The following FHIT variants were observed in gnomAD, a reference collection of about 807,000 sequenced individuals.
The protein encoded by FHIT is fragile histidine triad diadenosine triphosphatase.
FHIT carries 19 observed loss-of-function variants against 17.9 expected under a neutral mutation model. The ratio of observed to expected loss-of-function variants is 1.06; its 90% CI spans 0.74 to 1.56. The LOEUF is 1.56. Among genes scored for constraint, FHIT ranks in the 40% most tolerant of loss-of-function variants. FHIT has a pLI of 0.00. For synonymous variants in FHIT, 81 were observed against 69.7 expected, an observed-to-expected ratio of 1.16 and a Z score of -0.81; for missense variants, 248 against 189.2, an observed-to-expected ratio of 1.31 and a Z score of -1.82.
chr3:61,068,106 T>C (rs1411821887), intron 2 of FHIT, among the ~76,000 whole-genome samples: 2 of 152,154 alleles, frequency 1.3e-5, no homozygotes, highest in African/African-American at 4.8e-5. Flanking sequence ...CCAGGTGTAT[T>C]ACTATCCGAA....
chr3:60,292,123 G>C (rs143146150), intron 5 of FHIT, among the ~76,000 whole-genome samples: 1 of 152,084 alleles, frequency 6.6e-6, no homozygotes, highest in Non-Finnish European at 1.5e-5. Context: ...AACCTTGCCA[G>C]GTGAACTGTT....
chr3:60,258,590 T>C (rs1576381242), intron 5 of FHIT, among the ~76,000 whole-genome samples: 5 of 152,088 alleles, frequency 3.3e-5, no homozygotes. Flanking sequence ...GAAAAATATA[T>C]TTTCCTCACT....
intron 4 of FHIT, among the ~76,000 whole-genome samples, chr3:60,544,039 T>G (rs1037133716): frequency 4.0e-5 from 6 of 150,782 alleles, no homozygotes; most frequent in African/African-American, 1.5e-4. Flanking sequence ...ATTACAGGCA[T>G]GAGCCACCGC....
At chr3:60,592,658 A>G (rs1407389165) in intron 4 of FHIT, among the ~76,000 whole-genome samples, 1 of 152,172 alleles carries the variant, frequency 6.6e-6, no homozygotes, top group Non-Finnish European at 1.5e-5. Flanking sequence ...AGTTGCGCCC[A>G]TCACTTCTCA....
intron 7 of FHIT, among the ~76,000 whole-genome samples, chr3:60,001,634 A>AGGGGTGATTAACTGTCAAGTAGTG (rs1699732529): frequency 6.6e-6 from 1 of 152,150 alleles, no homozygotes; most frequent in Non-Finnish European, 1.5e-5. Flanking sequence ...TAAATGCTAC[A>AGGGGTGATTAACTGTCAAGTAGTG]GGGGTGATTA....
chr3:61,184,432 C>G (rs2038442219), intron 2 of FHIT, among the ~76,000 whole-genome samples: 1 of 152,130 alleles, frequency 6.6e-6, no homozygotes, highest in Non-Finnish European at 1.5e-5. Flanking sequence ...GCTAGAGAGT[C>G]CTCCAGAGCT....
At chr3:60,412,308 G>C (rs1320116365) in intron 5 of FHIT, among the ~76,000 whole-genome samples, 1 of 152,016 alleles carries the variant, frequency 6.6e-6, no homozygotes, top group Non-Finnish European at 1.5e-5. Context: ...GCATGTACTA[G>C]CTTGCGTTCC....
At chr3:59,899,222 C>A (rs573386182) in intron 8 of FHIT, among the ~76,000 whole-genome samples, 3 of 152,316 alleles carry the variant, frequency 2.0e-5, no homozygotes, top group African/African-American at 4.8e-5. Context: ...GGGTCACATG[C>A]GGGCACATGA....
At chr3:60,066,846 C>T (rs967115556) in intron 5 of FHIT, among the ~76,000 whole-genome samples, 2 of 151,536 alleles carry the variant, frequency 1.3e-5, no homozygotes, top group African/African-American at 4.8e-5. Context: ...TTAGTAGAGA[C>T]GGGGTTTCAC....
intron 2 of FHIT, among the ~76,000 whole-genome samples, chr3:61,178,143 TAA>T (rs1180867186): frequency 6.6e-6 from 1 of 152,146 alleles, no homozygotes; most frequent in Non-Finnish European, 1.5e-5. Flanking sequence ...GGGGTAATTA[TAA>T]AATGGAATGA....
intron 3 of FHIT, among the ~76,000 whole-genome samples, chr3:60,830,652 A>T (rs1296974130): frequency 2.0e-5 from 3 of 152,216 alleles, no homozygotes; most frequent in Admixed American, 1.3e-4. Context: ...AAAAACTATT[A>T]GTCCTTTGGT....
intron 5 of FHIT, among the ~76,000 whole-genome samples, chr3:60,316,771 CTGAAAAGACT>C (rs773125678): frequency 6.6e-6 from 1 of 152,190 alleles, no homozygotes. Flanking sequence ...AACTACTTTT[CTGAAAAGACT>C]TGAAAAGACT....
chr3:60,175,823 A>T (rs1334590573), intron 5 of FHIT, among the ~76,000 whole-genome samples: 1 of 152,130 alleles, frequency 6.6e-6, no homozygotes, highest in African/African-American at 2.4e-5. Context: ...TAAGCAGAAG[A>T]CAGTGGGTTT....
intron 4 of FHIT, among the ~76,000 whole-genome samples, chr3:60,637,798 G>T (rs1476276374): frequency 6.6e-6 from 1 of 152,134 alleles, no homozygotes; most frequent in Admixed American, 6.6e-5. Flanking sequence ...ATAAGGATAA[G>T]GTTGTACTTA....
chr3:59,898,009 T>C (rs1704150832), intron 8 of FHIT, among the ~76,000 whole-genome samples: 1 of 152,096 alleles, frequency 6.6e-6, no homozygotes, highest in Non-Finnish European at 1.5e-5. Flanking sequence ...ACTTGTGATC[T>C]GCCCGCCTTG....
At chr3:60,706,085 G>A (rs574085197) in intron 4 of FHIT, among the ~76,000 whole-genome samples, 1 of 151,940 alleles carries the variant, frequency 6.6e-6, no homozygotes, top group African/African-American at 2.4e-5. Context: ...ATTATAATAA[G>A]AGACGGCACT....
chr3:60,495,143 T>C (rs868347244), intron 5 of FHIT, among the ~76,000 whole-genome samples: 20 of 152,326 alleles, frequency 1.3e-4, no homozygotes, highest in African/African-American at 3.1e-4. Flanking sequence ...TGTTACTGTC[T>C]GTCTTTTGGA....
chr3:60,405,607 C>T (rs1701827399), intron 5 of FHIT, among the ~76,000 whole-genome samples: 1 of 152,212 alleles, frequency 6.6e-6, no homozygotes, highest in African/African-American at 2.4e-5. Flanking sequence ...CCCCCTGTGG[C>T]AGGTAGAGTG....
At position 59,858,170 on chromosome 3, in the gene FHIT, G is replaced by A. The variant is rs866584236; in HGVS notation, c.348+64176C>T. The stretch of plus-strand genomic sequence containing the variant: ...GTGTGACTGCTGTGAAAGGTGTATG[G>A]GAGTTTCCCACATCATCTATCAGCA... On this transcript the variant is annotated intron_variant, in intron 8 of 9. Transcript: ENST00000492590. Among the ~76,000 whole-genome samples, 9 of 151,940 alleles carry A rather than the reference G, an allele frequency of 5.9e-5. No individual in the cohort carries two copies. The Middle Eastern group carries it at 0.01, about 172-fold the overall frequency.
Sources: allele counts gnomAD v4.1 joint callset (sites outside exome capture counted in the v4.1 genomes callset), GRCh38; gene constraint gnomAD v4.1.1; transcripts MANE v1.5; gene names NCBI Gene and HGNC (gene_info 2026-07-23, HGNC 2026-07-21).